The following FAM53A variants were observed in gnomAD, a reference collection of about 807,000 sequenced individuals.
FAM53A encodes protein FAM53A.
FAM53A carries 28 observed loss-of-function variants against 26.6 expected under a neutral mutation model. The ratio of observed to expected loss-of-function variants is 1.05; its 90% confidence interval spans 0.78 to 1.45. The LOEUF (loss-of-function observed/expected upper bound fraction) is 1.45. Ranked by LOEUF, FAM53A falls within the 40% of genes most tolerant of loss-of-function variation. The pLI, the probability that FAM53A is intolerant of heterozygous loss-of-function variation, is 0.00. For synonymous variants in FAM53A, 290 were observed against 253.1 expected (o/e 1.15, Z -1.38); for missense variants, 650 against 575.8 (o/e 1.13, Z -1.32).
chr4:1,613,811 T>C (rs1240668320), downstream of FAM53A, among the ~76,000 whole-genome samples: 1 of 152,184 alleles, frequency 6.6e-6, no homozygotes, highest in East Asian at 1.9e-4. Flanking sequence ...TAAAGTTCAA[T>C]AGTTATTTTT....
At chr4:1,587,939 GCT>G in the FAM53A span, among the ~76,000 whole-genome samples, 3 of 151,882 alleles carry the variant, frequency 2.0e-5, no homozygotes, top group Non-Finnish European at 4.4e-5. Flanking sequence ...CCCTCCCTTT[GCT>G]CTTTTTCGAA....
the FAM53A span, among the ~76,000 whole-genome samples, chr4:1,607,651 C>T: frequency 5.9e-5 from 9 of 152,148 alleles, no homozygotes; most frequent in Non-Finnish European, 1.3e-4. Flanking sequence ...CCTGGCTTCA[C>T]CCGCCCAGTC....
chr4:1,657,769 C>T (rs1405811466), intron 2 of FAM53A, among the ~76,000 whole-genome samples: 1 of 151,798 alleles, frequency 6.6e-6, no homozygotes, highest in African/African-American at 2.4e-5. Context: ...TCCCAAGTAG[C>T]TGGGACTACA....
At chr4:1,684,425 C>T (rs1715671183), upstream of FAM53A, 1 of 149,002 alleles carries the variant, frequency 6.7e-6, no homozygotes, top group Admixed American at 6.7e-5. Flanking sequence ...CCACGCCGGC[C>T]CTCAGCCGCG....
chr4:1,648,985 C>A (rs1230447051), intron 4 of FAM53A, among the ~76,000 whole-genome samples: 1 of 152,076 alleles, frequency 6.6e-6, no homozygotes, highest in Admixed American at 6.5e-5. Flanking sequence ...TGGTGGTGGG[C>A]GCCTACAATC....
chr4:1,685,888 G>C (rs758860304), upstream of FAM53A, among the ~76,000 whole-genome samples: 82 of 152,294 alleles, frequency 5.4e-4, no homozygotes, highest in Non-Finnish European at 3.2e-4. Context: ...AGCCCCTCCT[G>C]AGCTGGGTTT....
the FAM53A span, among the ~76,000 whole-genome samples, chr4:1,607,973 G>A: frequency 6.6e-6 from 1 of 151,468 alleles, no homozygotes; most frequent in Non-Finnish European, 1.5e-5. Flanking sequence ...GTAGCCGGAT[G>A]TGGTAGCACG....
downstream of FAM53A, among the ~76,000 whole-genome samples, chr4:1,612,954 C>T (rs1714681961): frequency 6.6e-6 from 1 of 152,212 alleles, no homozygotes; most frequent in Admixed American, 6.5e-5. Flanking sequence ...CATCTCAGCA[C>T]AAATTCACTA....
At chr4:1,684,748 G>A (rs1243421402), upstream of FAM53A, among the ~76,000 whole-genome samples, 1 of 152,080 alleles carries the variant, frequency 6.6e-6, no homozygotes, top group Non-Finnish European at 1.5e-5. Flanking sequence ...CTTCCCGCCT[G>A]CCGTCTGCCC....
chr4:1,643,965 G>A (rs1711994784), intron 4 of FAM53A, among the ~76,000 whole-genome samples: 1 of 152,218 alleles, frequency 6.6e-6, no homozygotes, highest in African/African-American at 2.4e-5. Context: ...ATTTGCCCAT[G>A]GACATCACTT....
In FAM53A at chr4:1,666,835, A is replaced by G. The variant is rs550280890; in HGVS notation, c.75+1832T>C. On this transcript the variant is annotated intron_variant, in intron 2 of 4. Coordinates refer to ENST00000308132, the MANE Select transcript of FAM53A (RefSeq NM_001174070.3). ...ATGGTGAAACCCCGTCTCTACTAAA[A>G]ATACAAAATTTAGGCTGGGTGTGGT... is the stretch of plus-strand genomic sequence containing the variant. 2.6e-5 allele frequency among the ~76,000 whole-genome samples: 4 copies of G among 152,370 alleles called. No homozygotes were observed. The South Asian group carries it at 8.3e-4, about 32-fold the overall frequency.
chr4:1,644,680 G>A (rs1386792909), intron 4 of FAM53A: 4 of 239,016 alleles, frequency 1.7e-5, no homozygotes, highest in Admixed American at 1.0e-4. Context: ...AAAACACAAA[G>A]GTCAAGCCTT....
At chr4:1,645,400 G>A (rs773450852) in intron 4 of FAM53A, among the ~76,000 whole-genome samples, 11 of 152,224 alleles carry the variant, frequency 7.2e-5, no homozygotes, top group Admixed American at 2.6e-4. Context: ...AGGAAAGTAC[G>A]GACTGGAGCA....
At chr4:1,585,870 A>G in the FAM53A span, among the ~76,000 whole-genome samples, 2 of 151,860 alleles carry the variant, frequency 1.3e-5, no homozygotes, top group South Asian at 2.1e-4. Context: ...GACTACAGGA[A>G]TGCGCCACCA....
At chr4:1,592,518 A>G in the FAM53A span, among the ~76,000 whole-genome samples, 1 of 84,988 alleles carries the variant, frequency 1.2e-5, no homozygotes, top group Non-Finnish European at 3.1e-5. Flanking sequence ...GGGGGAAAAC[A>G]GGGGCAGGAG....
chr4:1,637,754 A>G (rs917256732), downstream of FAM53A, among the ~76,000 whole-genome samples: 6 of 152,102 alleles, frequency 3.9e-5, no homozygotes, highest in Non-Finnish European at 8.8e-5. Context: ...ACAGGCCCCC[A>G]GCGCAGGAAG....
chr4:1,642,005 C>T (rs531552115), intron 4 of FAM53A, among the ~76,000 whole-genome samples: 2 of 152,136 alleles, frequency 1.3e-5, no homozygotes, highest in African/African-American at 4.8e-5. Context: ...AGAGAGGGTG[C>T]CTTGTGCCTC....
downstream of FAM53A, among the ~76,000 whole-genome samples, chr4:1,637,346 C>T (rs1358626400): frequency 6.6e-6 from 1 of 152,168 alleles, no homozygotes; most frequent in Non-Finnish European, 1.5e-5. Context: ...CCAGCCAGGC[C>T]GTCCCCACCT....
At chr4:1,616,705 A>G (rs139999622), downstream of FAM53A, among the ~76,000 whole-genome samples, 5 of 152,374 alleles carry the variant, frequency 3.3e-5, no homozygotes, top group African/African-American at 1.2e-4. Context: ...TAAACCAAAG[A>G]AAAGCTTGGA....
Sources: gnomAD v4.1 joint callset for allele counts (sites outside exome capture counted in the v4.1 genomes callset) on GRCh38, gnomAD v4.1.1 for gene constraint, MANE v1.5 for transcripts, NCBI Gene and HGNC (gene_info 2026-07-23, HGNC 2026-07-21) for gene names.